The following NSUN2 variants were observed in gnomAD, a reference collection of about 807,000 sequenced individuals.
NSUN2 encodes the protein NOP2/Sun RNA methyltransferase 2.
A neutral mutation model predicts 92.7 loss-of-function variants in NSUN2; 63 were observed. The ratio of observed to expected loss-of-function variants is 0.68; its 90% CI spans 0.56 to 0.84. The LOEUF (loss-of-function observed/expected upper bound fraction) is 0.84, where lower values mean the gene tolerates loss of function less well. NSUN2 is among the 40% of genes least tolerant of loss of function. The probability of loss-of-function intolerance (pLI) is 0.00; values close to 1 mark genes in which losing one functional copy is unlikely to be tolerated. For missense variants in NSUN2, 989 were observed against 964.9 expected, an observed-to-expected ratio of 1.02 and a Z score of -0.33; for synonymous variants, 356 against 348.3, an observed-to-expected ratio of 1.02 and a Z score of -0.25.
At chr5:6,605,172 G>C in intron 15 of NSUN2, 101 bp downstream of exon 15, 2 of 1,482,234 alleles carry the variant, frequency 1.3e-6, no homozygotes, top group South Asian at 2.6e-5. Flanking sequence ...TACAGGTGGG[G>C]AGGGCAGATG....
intron 4 of NSUN2, 108 bp downstream of exon 4, chr5:6,625,456 T>C (rs922859052): frequency 2.7e-6 from 2 of 733,882 alleles, no homozygotes; most frequent in Middle Eastern, 7.6e-4. Flanking sequence ...TTACTGTGTG[T>C]GATGTCCACC....
chr5:6,604,142 G>A lies in NSUN2; in HGVS notation c.1953C>T (p.Asp651=), dbSNP rs774966036. Residue 651 remains aspartate, a synonymous_variant, in exon 17 of 19, where the codon GAC becomes GAT. Transcript: ENST00000264670. ...TATGCATTTCCAACTACTCACCCAG[G>A]TCCTTTGCTTGACTGTAGGTCTCAC... ...LSSETYSQAK[D]LAKGSIVLKY... is the part of the protein sequence containing the mutation. The A allele has an allele frequency of 2.5e-6, 4 of 1,612,894 alleles. No homozygotes were observed. In the African/African-American group the frequency reaches 4.0e-5, roughly 16 times the overall value.
intron 9 of NSUN2, among the ~76,000 whole-genome samples, chr5:6,612,070 C>T (rs1051016535): frequency 1.3e-5 from 2 of 152,118 alleles, no homozygotes; most frequent in African/African-American, 4.8e-5. Flanking sequence ...TGTGGTAAGG[C>T]GCTGCCAACT....
chr5:6,629,504 T>G (rs1737784254), intron 3 of NSUN2, among the ~76,000 whole-genome samples: 1 of 152,216 alleles, frequency 6.6e-6, no homozygotes, highest in East Asian at 1.9e-4. Context: ...AACTTCTTCA[T>G]CTTAAAAGCA....
In NSUN2 at chr5:6,632,961, C is replaced by G; in HGVS notation, c.19G>C (p.Gly7Arg). 1.3e-6 allele frequency: 2 copies of G among 1,490,600 alleles called. No homozygotes were observed. Among genetic ancestry groups the G allele is most frequent in the Non-Finnish European group, 1.8e-6 (2 of 1,128,926 alleles). The allele number at this position is 1,490,600 out of a possible 1,614,324, so 92.3% of individuals were successfully genotyped here. MGRRSRGRRLQQQQRPE... is the reference protein window; with the variant it reads MGRRSRRRRLQQQQRPE... The stretch of plus-strand genomic sequence containing the variant: ...CGCTGCTGTTGCTGGAGCCGCCGAC[C>G]CCGCGACCGCCGCCCCATAGCCCAC... The change falls in exon 1 of 19, where the codon GGT (glycine) becomes CGT (arginine). Residue 7 changes from glycine to arginine, a missense_variant. Physicochemically the swap from Gly to Arg is moderately radical, Grantham distance 125. Transcript: ENST00000264670.
At chr5:6,619,338 A>G (rs1737339094) in intron 7 of NSUN2, among the ~76,000 whole-genome samples, 1 of 152,228 alleles carries the variant, frequency 6.6e-6, no homozygotes. Flanking sequence ...GCATTCTTCC[A>G]TAATGTGGTA....
chr5:6,616,938 A>G, intron 8 of NSUN2, 81 bp from the exon 9 acceptor site: 1 of 1,254,846 alleles, frequency 8.0e-7, no homozygotes, highest in Non-Finnish European at 1.1e-6. Context: ...TATGTCACAT[A>G]TTCATTACAA....
intron 3 of NSUN2, among the ~76,000 whole-genome samples, chr5:6,626,505 C>T (rs1391325708): frequency 1.3e-5 from 2 of 152,120 alleles, no homozygotes; most frequent in Non-Finnish European, 2.9e-5. Context: ...ACCTGAGTAG[C>T]TGGGATTACA....
chr5:6,619,852 TTTGTTTTG>T (rs1665017577), intron 7 of NSUN2, among the ~76,000 whole-genome samples: 1 of 121,676 alleles, frequency 8.2e-6, no homozygotes, highest in African/African-American at 3.9e-5. Context: ...TTTTCTCTGT[TTTGTTTTG>T]TTTTCTCTTT....
intron 9 of NSUN2, among the ~76,000 whole-genome samples, chr5:6,615,121 G>A (rs377611488): frequency 3.5e-4 from 53 of 152,148 alleles, no homozygotes; most frequent in African/African-American, 1.1e-3. Flanking sequence ...CCGAGAAACC[G>A]GGGGAAGCTG....
intron 5 of NSUN2, 137 bp downstream of exon 5, chr5:6,623,077 C>T: frequency 2.1e-6 from 1 of 468,536 alleles, no homozygotes. Context: ...AAGATACGTA[C>T]ATATCACTCT....
intron 18 of NSUN2, among the ~76,000 whole-genome samples, chr5:6,601,060 C>T (rs1242923292): frequency 6.6e-6 from 1 of 152,006 alleles, no homozygotes; most frequent in African/African-American, 2.4e-5. Flanking sequence ...TCCTAACGGC[C>T]GTGTTTAATC....
chr5:6,630,762 T>G (rs1737847838), intron 3 of NSUN2, among the ~76,000 whole-genome samples: 2 of 152,162 alleles, frequency 1.3e-5, no homozygotes, highest in South Asian at 4.1e-4. Context: ...AAGATAACAC[T>G]ACGTACTGGA....
intron 11 of NSUN2, 63 bp from the exon 12 acceptor site, chr5:6,609,985 G>T: frequency 9.2e-7 from 1 of 1,090,126 alleles, no homozygotes; most frequent in Non-Finnish European, 1.3e-6. Flanking sequence ...TTACTATTAA[G>T]ACAAATACCG....
At chr5:6,600,595 C>T (rs1736511550) in intron 18 of NSUN2, among the ~76,000 whole-genome samples, 1 of 152,210 alleles carries the variant, frequency 6.6e-6, no homozygotes, top group African/African-American at 2.4e-5. Context: ...AAGCGTTTCT[C>T]CACAGGCTCC....
intron 10 of NSUN2, 25 bp from the exon 11 acceptor site, chr5:6,611,110 A>G (rs560170676): frequency 6.2e-7 from 1 of 1,613,976 alleles, no homozygotes; most frequent in South Asian, 1.1e-5. Flanking sequence ...GGTACATTCC[A>G]GATTACTAGC....
chr5:6,600,225 C>G lies in NSUN2; in HGVS notation c.2005G>C (p.Asp669His), dbSNP rs765738128. 6.2e-7 allele frequency: 1 copy of G among 1,612,168 alleles called. No individual in the cohort carries two copies. The highest frequency in any genetic ancestry group is 1.1e-5 in the South Asian group (1 of 90,984). ...LKYEPDSANP[D>H]ALQCPIVLCG... ...AAGACGATGGGACACTGCAGAGCGT[C>G]TGGATTCCTACAAGTGAAAGTGGCT... Residue 669 changes from aspartate to histidine, a missense_variant, in exon 19 of 19, where the codon GAC becomes CAC. Coordinates refer to ENST00000264670, the MANE Select transcript of NSUN2 (RefSeq NM_017755.6).
rs59901468 is a variant in NSUN2 at position 6,610,065 on chromosome 5, A to ATT, written c.1227-145_1227-144dup. On this transcript the variant is annotated intron_variant, in intron 11 of 18. Coordinates refer to ENST00000264670, the MANE Select transcript of NSUN2 (RefSeq NM_017755.6). ...TAGAATGGCCAATATGTAAACTTAA[A>ATT]TTTTTTTTTTTTTTTTGAGTCAAGG... 7.8e-3 allele frequency: 2,905 copies of ATT among 374,794 alleles called. 18 individuals are homozygous for ATT. The highest frequency in any genetic ancestry group is 0.031 in the African/African-American group (1,344 of 43,570). 23.2% of individuals were successfully genotyped at this position (374,794 alleles called of 1,614,324 possible). A position where few individuals can be genotyped will look rare whatever the true frequency, so the allele number is the denominator to read the frequency against.
At chr5:6,614,445 C>T (rs1036874892) in intron 9 of NSUN2, among the ~76,000 whole-genome samples, 7 of 152,156 alleles carry the variant, frequency 4.6e-5, no homozygotes, top group African/African-American at 1.7e-4. Context: ...GCCTGGGTCA[C>T]GCTTGCTCAT....
Sources: gnomAD v4.1 joint callset for allele counts (sites outside exome capture counted in the v4.1 genomes callset) on GRCh38, gnomAD v4.1.1 for gene constraint, MANE v1.5 for transcripts, NCBI Gene and HGNC (gene_info 2026-07-23, HGNC 2026-07-21) for gene names.